The following NLRP7 variants were observed in gnomAD, a reference collection of about 807,000 sequenced individuals.
NLRP7 encodes the protein NACHT, LRR and PYD domains-containing protein 7.
In NLRP7, 72 loss-of-function variants were observed where a neutral mutation model predicts 85.5. The observed-to-expected ratio is 0.84, with a 90% CI of 0.70 to 1.02. The LOEUF (loss-of-function observed/expected upper bound fraction) is 1.02, where lower values mean the gene tolerates loss of function less well. Among genes scored for constraint, NLRP7 ranks in the 50% least tolerant of loss-of-function variants. NLRP7 has a pLI of 0.00. For missense variants in NLRP7, 1,243 were observed against 1,219.5 expected (o/e 1.02, Z -0.29); for synonymous variants, 550 against 505.2 (o/e 1.09, Z -1.19).
intron 8 of NLRP7, among the ~76,000 whole-genome samples, chr19:54,932,258 T>A (rs1011388873): frequency 1.3e-5 from 2 of 151,896 alleles, no homozygotes; most frequent in Admixed American, 1.3e-4. Context: ...TGAAACCTCA[T>A]CTCCACTAAA....
At chr19:54,953,962 G>T (rs1236023438) in intron 1 of NLRP7, among the ~76,000 whole-genome samples, 1 of 151,734 alleles carries the variant, frequency 6.6e-6, no homozygotes, top group Non-Finnish European at 1.5e-5. Flanking sequence ...AGCGGAGATC[G>T]CGCCACTGCA....
At chr19:54,941,631 G>C in exon 2 of NLRP7, 2 of 1,614,054 alleles carry the variant, frequency 1.2e-6, no homozygotes, top group African/African-American at 1.3e-5. Context: ...CCCATAAAAG[G>C]GATTTGAAAC....
intron 1 of NLRP7, chr19:54,953,214 G>A (rs1170207752): frequency 6.6e-6 from 1 of 152,210 alleles, no homozygotes; most frequent in East Asian, 1.9e-4. Context: ...CAGACACCGA[G>A]TTAAAGAAGA....
chr19:54,936,989 C>T (rs1051676129), intron 5 of NLRP7, among the ~76,000 whole-genome samples: 4 of 151,294 alleles, frequency 2.6e-5, no homozygotes, highest in Non-Finnish European at 4.4e-5. Flanking sequence ...GAGGCCGAGG[C>T]GGGTGGATCA....
At chr19:54,946,760 C>A (rs892485362) in intron 1 of NLRP7, among the ~76,000 whole-genome samples, 2 of 152,120 alleles carry the variant, frequency 1.3e-5, no homozygotes, top group Non-Finnish European at 2.9e-5. Flanking sequence ...CTGCCTCAAC[C>A]TTCCAAGTAA....
At chr19:54,953,142 A>C (rs1602225402) in intron 1 of NLRP7, 1 of 152,164 alleles carries the variant, frequency 6.6e-6, no homozygotes, top group Non-Finnish European at 1.5e-5. Context: ...GATACAGGTC[A>C]TAAGGACCTT....
At chr19:54,939,074 T>A (rs2069077559) in exon 4 of NLRP7, 2 of 1,614,042 alleles carry the variant, frequency 1.2e-6, no homozygotes, top group African/African-American at 1.3e-5. Context: ...CTTCGCCAGC[T>A]CCTCCTCCTG....
intron 9 of NLRP7, 147 bp downstream of exon 9, chr19:54,930,352 C>T (rs891320391): frequency 1.1e-5 from 7 of 658,660 alleles, no homozygotes; most frequent in Non-Finnish European, 1.9e-5. Context: ...GAGCCAGCTA[C>T]TCAGGAGGCT....
chr19:54,938,114 G>A, exon 5 of NLRP7: 2 of 1,614,084 alleles, frequency 1.2e-6, no homozygotes, highest in Non-Finnish European at 1.7e-6. Flanking sequence ...GAGTCACTCA[G>A]GAAGCTTTGT....
intron 9 of NLRP7, among the ~76,000 whole-genome samples, chr19:54,924,371 C>T (rs1431934088): frequency 6.6e-6 from 1 of 152,198 alleles, no homozygotes; most frequent in Non-Finnish European, 1.5e-5. Context: ...ACCTGTAGTC[C>T]CAGCACTTTG....
At chr19:54,951,403 G>C (rs1474730408), upstream of NLRP7, among the ~76,000 whole-genome samples, 1 of 151,788 alleles carries the variant, frequency 6.6e-6, no homozygotes, top group African/African-American at 2.4e-5. Context: ...AAAATTAGCG[G>C]GGCATGGTAG....
intron 6 of NLRP7, among the ~76,000 whole-genome samples, chr19:54,935,507 C>A (rs942928705): frequency 6.6e-6 from 1 of 152,022 alleles, no homozygotes; most frequent in Non-Finnish European, 1.5e-5. Flanking sequence ...ACCAGCCTGG[C>A]CAACATGGTG....
chr19:54,939,647 G>A (rs749577734), exon 4 of NLRP7: 32 of 1,611,688 alleles, frequency 2.0e-5, no homozygotes, highest in Non-Finnish European at 2.5e-5. Flanking sequence ...GAACAGCCCC[G>A]TGCGGGTGAG....
rs2068830311 is a variant in NLRP7 at position 54,934,700 on chromosome 19, G to A, written c.2301-41C>T. On this transcript the variant is annotated intron_variant, in intron 6 of 9. Transcript: ENST00000340844. The surrounding 1 kb of genome is among the most constrained non-coding windows in gnomAD (Gnocchi z 6.7). Reference sequence around the variant, plus strand: ...GAAAAGTCATTCTTCTGGGAGGACAGAGTATACCCTATCAGCTTTTTTTTT... The same window carrying A: ...GAAAAGTCATTCTTCTGGGAGGACAAAGTATACCCTATCAGCTTTTTTTTT... 6.6e-7 allele frequency: 1 copy of A among 1,526,162 alleles called. No homozygotes were observed. Among genetic ancestry groups the A allele is most frequent in the South Asian group, 1.2e-5 (1 of 82,892 alleles). 94.5% of individuals were successfully genotyped at this position (1,526,162 alleles called of 1,614,324 possible). A position where few individuals can be genotyped will look rare whatever the true frequency, so the allele number is the denominator to read the frequency against.
chr19:54,962,549 G>A (rs1044357158), intron 1 of NLRP7, among the ~76,000 whole-genome samples: 3 of 151,388 alleles, frequency 2.0e-5, no homozygotes, highest in African/African-American at 7.3e-5. Context: ...GGGATTACAG[G>A]CATGAATCAC....
At chr19:54,945,433 A>T (rs995750277) in intron 1 of NLRP7, among the ~76,000 whole-genome samples, 38 of 148,250 alleles carry the variant, frequency 2.6e-4, no homozygotes, top group Middle Eastern at 7.0e-3. Context: ...ACCACACCTA[A>T]TTTTTTTTGT....
At chr19:54,945,841 G>A (rs1220436503) in intron 1 of NLRP7, among the ~76,000 whole-genome samples, 2 of 152,124 alleles carry the variant, frequency 1.3e-5, no homozygotes, top group Admixed American at 1.3e-4. Context: ...CCAGGCTGGA[G>A]TGCAGTGGCG....
chr19:54,961,329 G>A (rs1407409031), intron 1 of NLRP7, among the ~76,000 whole-genome samples: 1 of 151,892 alleles, frequency 6.6e-6, no homozygotes, highest in East Asian at 1.9e-4. Context: ...CGGCCAAGGT[G>A]GTGAAACCCC....
chr19:54,958,784 G>A (rs375969756), intron 1 of NLRP7, among the ~76,000 whole-genome samples: 74 of 147,980 alleles, frequency 5.0e-4, no homozygotes, highest in Non-Finnish European at 9.8e-4. Flanking sequence ...TGGGAGCATC[G>A]GCAAGCTACT....
Sources: allele counts gnomAD v4.1 joint callset (sites outside exome capture counted in the v4.1 genomes callset), GRCh38; gene constraint gnomAD v4.1.1; non-coding constraint Gnocchi (gnomAD v3.1); transcripts MANE v1.5; gene names NCBI Gene and HGNC (gene_info 2026-07-23, HGNC 2026-07-21).